The following MID2 variants were observed in gnomAD, a reference collection of about 807,000 sequenced individuals.
MID2 encodes probable E3 ubiquitin-protein ligase MID2.
In MID2, 13 loss-of-function variants were observed where a neutral mutation model predicts 46.1. The ratio of observed to expected loss-of-function variants is 0.28; its 90% CI spans 0.18 to 0.45. The LOEUF (loss-of-function observed/expected upper bound fraction) is 0.45, where lower values mean the gene tolerates loss of function less well. Ranked by LOEUF, MID2 falls within the 20% of genes least tolerant of loss-of-function variation. The probability of loss-of-function intolerance (pLI) is 1.00; values close to 1 mark genes in which losing one functional copy is unlikely to be tolerated. For synonymous variants in MID2, 199 were observed against 212.3 expected, an observed-to-expected ratio of 0.94 and a Z score of 0.55; for missense variants, 431 against 575.4, an observed-to-expected ratio of 0.75 and a Z score of 2.57.
intron 3 of MID2, among the ~76,000 whole-genome samples, chrX:107,860,115 T>G (rs903036989): frequency 9.0e-6 from 1 of 111,660 alleles, no homozygotes; most frequent in Non-Finnish European, 1.9e-5. Flanking sequence ...AGTTAGATTT[T>G]TACTGATCCA....
intron 3 of MID2, among the ~76,000 whole-genome samples, chrX:107,882,645 A>G (rs1366352967): frequency 1.8e-5 from 2 of 112,041 alleles, no homozygotes; most frequent in Non-Finnish European, 3.8e-5. Flanking sequence ...AATCAAAACC[A>G]CAATGAGATA....
intron 3 of MID2, among the ~76,000 whole-genome samples, chrX:107,880,829 T>A (rs1363671022): frequency 8.9e-6 from 1 of 112,429 alleles, no homozygotes; most frequent in East Asian, 2.8e-4. Flanking sequence ...TCTCCTAAAA[T>A]TAGCTTGGCC....
chrX:107,910,111 C>T (rs919787371), intron 5 of MID2, among the ~76,000 whole-genome samples: 3 of 111,896 alleles, frequency 2.7e-5, no homozygotes, highest in Non-Finnish European at 3.8e-5. Flanking sequence ...CTTATTCCTC[C>T]TGTCTAACTG....
chrX:107,922,343 GT>G (rs1463024170), intron 7 of MID2, among the ~76,000 whole-genome samples: 4 of 112,101 alleles, frequency 3.6e-5, no homozygotes. Context: ...TTTGTTTGAG[GT>G]TTTCCTCCCA....
chrX:107,897,819 T>C (rs1197666857), intron 3 of MID2, among the ~76,000 whole-genome samples: 1 of 112,212 alleles, frequency 8.9e-6, no homozygotes, highest in African/African-American at 3.2e-5. Flanking sequence ...TCATAAACAT[T>C]GTGTTTTCTT....
chrX:107,831,339 C>T (rs1931085651), intron 1 of MID2, among the ~76,000 whole-genome samples: 2 of 112,073 alleles, frequency 1.8e-5, no homozygotes, highest in African/African-American at 3.2e-5. Context: ...TGAGACCGAA[C>T]AATCTGATAA....
At chrX:107,894,264 A>T (rs1468877567) in intron 3 of MID2, among the ~76,000 whole-genome samples, 1 of 111,281 alleles carries the variant, frequency 9.0e-6, no homozygotes, top group Non-Finnish European at 1.9e-5. Context: ...ATTTGGATAA[A>T]CATTGCCATC....
At chrX:107,855,825 G>T (rs1461564014) in intron 3 of MID2, among the ~76,000 whole-genome samples, 1 of 111,741 alleles carries the variant, frequency 8.9e-6, no homozygotes, top group Non-Finnish European at 1.9e-5. Context: ...AATCCCTGCT[G>T]GGCACTCCAT....
intron 3 of MID2, among the ~76,000 whole-genome samples, chrX:107,889,689 C>T (rs1183470422): frequency 8.9e-6 from 1 of 112,041 alleles, no homozygotes; most frequent in Non-Finnish European, 1.9e-5. Context: ...GGGAATTTCT[C>T]CTGGATAATA....
intron 5 of MID2, among the ~76,000 whole-genome samples, chrX:107,910,238 G>A (rs73533453): frequency 0.019 from 2,076 of 111,273 alleles, 51 homozygotes; most frequent in African/African-American, 0.063. Context: ...ACCTATGTGC[G>A]AGATCATATG....
chrX:107,827,352 C>G (rs1930978882), intron 1 of MID2, among the ~76,000 whole-genome samples: 3 of 110,908 alleles, frequency 2.7e-5, no homozygotes, highest in African/African-American at 6.6e-5. Context: ...CCAGCAGAGC[C>G]CCTTGGACCC....
At chrX:107,901,550 C>T (rs150281697) in intron 3 of MID2, among the ~76,000 whole-genome samples, 163 of 111,366 alleles carry the variant, frequency 1.5e-3, no homozygotes, top group Non-Finnish European at 1.9e-3. Context: ...CAAATAATTA[C>T]GGAGCATCTA....
At chrX:107,879,100 A>G (rs1932265884) in intron 3 of MID2, among the ~76,000 whole-genome samples, 1 of 111,026 alleles carries the variant, frequency 9.0e-6, no homozygotes, top group Non-Finnish European at 1.9e-5. Context: ...CTGCAGCAGC[A>G]TCTGGCGGGG....
chrX:107,879,299 A>G (rs1932269996), intron 3 of MID2, among the ~76,000 whole-genome samples: 2 of 111,724 alleles, frequency 1.8e-5, no homozygotes, highest in African/African-American at 6.5e-5. Context: ...TGGAGATGGT[A>G]AACTTGGGGG....
intron 1 of MID2, among the ~76,000 whole-genome samples, chrX:107,836,111 A>G (rs745403501): frequency 1.8e-5 from 2 of 112,327 alleles, no homozygotes; most frequent in South Asian, 7.4e-4. Flanking sequence ...CATTTGTTGA[A>G]AAGAGTATTC....
intron 3 of MID2, among the ~76,000 whole-genome samples, chrX:107,874,291 C>T (rs1184047020): frequency 8.9e-6 from 1 of 112,274 alleles, no homozygotes; most frequent in African/African-American, 3.2e-5. Context: ...GAACTTGATA[C>T]ACGAGGAGGC....
At chrX:107,894,638 C>A (rs1332397662) in intron 3 of MID2, 1 of 111,569 alleles carries the variant, frequency 9.0e-6, no homozygotes. Context: ...TTCATTCATT[C>A]AACAAATATT....
chrX:107,918,863 AAAGATCTAAAGGTTGTCACCTCTGTTTTC>A (rs1255061882), intron 7 of MID2, among the ~76,000 whole-genome samples: 5 of 112,472 alleles, frequency 4.4e-5, no homozygotes, highest in African/African-American at 1.6e-4. Flanking sequence ...GAGAAGTGAC[AAAGATCTAAAGGTTGTCACCTCTGTTTTC>A]AAGGTTATAT....
At chrX:107,915,957 T>C in intron 5 of MID2, 45 bp from the exon 6 acceptor site, 1 of 1,141,611 alleles carries the variant, frequency 8.8e-7, no homozygotes, top group Non-Finnish European at 1.2e-6. Flanking sequence ...GGGTGAAAGT[T>C]GCAACCTATT....
Sources: allele counts gnomAD v4.1 joint callset (sites outside exome capture counted in the v4.1 genomes callset), GRCh38; gene constraint gnomAD v4.1.1; transcripts MANE v1.5; gene names NCBI Gene and HGNC (gene_info 2026-07-23, HGNC 2026-07-21).